Variants in ABL1 observed in about 807,000 individuals in gnomAD.
The protein encoded by ABL1 is tyrosine-protein kinase ABL1.
A neutral mutation model predicts 94.7 loss-of-function variants in ABL1; 11 were observed. The ratio of observed to expected loss-of-function variants is 0.12; its 90% CI spans 0.07 to 0.19. The LOEUF is 0.19. Among genes scored for constraint, ABL1 ranks in the 10% least tolerant of loss-of-function variants. The pLI, the probability that ABL1 is intolerant of heterozygous loss-of-function variation, is 1.00. For missense variants in ABL1, 1,082 were observed against 1,489.4 expected, an observed-to-expected ratio of 0.73 and a Z score of 4.50; for synonymous variants, 656 against 622.4, an observed-to-expected ratio of 1.05 and a Z score of -0.80.
intron 8 of ABL1, among the ~76,000 whole-genome samples, chr9:130,879,288 T>G (rs1160467532): frequency 6.6e-6 from 1 of 152,236 alleles, no homozygotes; most frequent in South Asian, 2.1e-4. Flanking sequence ...GGCCATTTCT[T>G]ACACTGTTTT....
intron 1 of ABL1, among the ~76,000 whole-genome samples, chr9:130,807,277 CTCACTCTGT>C (rs1588246123): frequency 6.6e-6 from 1 of 152,172 alleles, no homozygotes; most frequent in East Asian, 1.9e-4. Flanking sequence ...GACATGCAGT[CTCACTCTGT>C]TGACCAGGCT....
exon 1 of ABL1, chr9:130,714,319 T>A (rs745750600): frequency 6.3e-7 from 1 of 1,599,008 alleles, no homozygotes; most frequent in Non-Finnish European, 8.5e-7. Context: ...ATTATTACTT[T>A]ATGGGGCAGC....
rs1391466375 is a variant in ABL1 at position 130,814,282 on chromosome 9, T to A, written c.137-39782T>A. On this transcript the variant is annotated intron_variant, in intron 1 of 10. Transcript: ENST00000372348. The surrounding 1 kb of genome is among the most constrained non-coding windows in gnomAD (Gnocchi z 4.4). ...ACCCTAGCGACAGAACGAGACTCCG[T>A]CTCAAAAAAAAAAGAAAGAAAGAAA... is the stretch of plus-strand genomic sequence containing the variant. Among the ~76,000 whole-genome samples, 1 of 136,742 alleles carries A rather than the reference T, an allele frequency of 7.3e-6. No individual in the cohort carries two copies. Among genetic ancestry groups the A allele is most frequent in the African/African-American group, 3.1e-5 (1 of 32,128 alleles). The allele number at this position is 136,742 out of a possible 152,430, so 89.7% of individuals were successfully genotyped here.
chr9:130,815,787 C>A (rs1183944212), intron 1 of ABL1, among the ~76,000 whole-genome samples: 2 of 152,078 alleles, frequency 1.3e-5, no homozygotes, highest in Non-Finnish European at 2.9e-5. Context: ...TTTGGGAGGC[C>A]AAGGTGGGCA....
intron 1 of ABL1, among the ~76,000 whole-genome samples, chr9:130,806,499 A>C (rs1448007662): frequency 6.6e-6 from 1 of 152,184 alleles, no homozygotes; most frequent in African/African-American, 2.4e-5. Context: ...GACTTTAAAA[A>C]AAATTGCATT....
chr9:130,791,870 C>T (rs1444830679), intron 1 of ABL1, among the ~76,000 whole-genome samples: 1 of 152,184 alleles, frequency 6.6e-6, no homozygotes, highest in Non-Finnish European at 1.5e-5. Flanking sequence ...CCAGTTCTCC[C>T]AAATAAACTC....
At chr9:130,847,764 C>CG (rs1564309791) in intron 1 of ABL1, among the ~76,000 whole-genome samples, 2 of 152,184 alleles carry the variant, frequency 1.3e-5, no homozygotes, top group African/African-American at 4.8e-5. Flanking sequence ...GATCGCCTGA[C>CG]GTCCTGTTGA....
intron 1 of ABL1, among the ~76,000 whole-genome samples, chr9:130,852,497 C>T (rs1367827238): frequency 6.6e-6 from 1 of 152,212 alleles, no homozygotes; most frequent in Non-Finnish European, 1.5e-5. Flanking sequence ...GCATGAGCTA[C>T]TGTGCCTGGC....
chr9:130,846,950 A>G (rs930748427), intron 1 of ABL1, among the ~76,000 whole-genome samples: 1 of 152,250 alleles, frequency 6.6e-6, no homozygotes, highest in African/African-American at 2.4e-5. Flanking sequence ...AAACAAGTTA[A>G]TCATGCACAG....
chr9:130,734,506 C>T lies in ABL1; in HGVS notation c.136+20051C>T, dbSNP rs147589696. 5.8e-3 allele frequency among the ~76,000 whole-genome samples: 851 copies of T among 145,756 alleles called. 3 individuals carry two copies. Among genetic ancestry groups the T allele is most frequent in the South Asian group, 8.5e-3 (39 of 4,568 alleles). ...CTGGGATTACAGGTGTGAGCCACTG[C>T]GCCTGGCCTGAATCTTCTTTTTTTT... On this transcript the variant is annotated intron_variant, in intron 1 of 10. Transcript: ENST00000372348.
At chr9:130,834,984 T>C (rs1830540888), upstream of ABL1, 1 of 451,112 alleles carries the variant, frequency 2.2e-6, no homozygotes, top group African/African-American at 2.0e-5. Context: ...GCTTCTAAAG[T>C]GGAGTGGAGC....
At chr9:130,714,167 T>C (rs545483793) in exon 1 of ABL1, 10 of 679,384 alleles carry the variant, frequency 1.5e-5, no homozygotes, top group African/African-American at 1.1e-4. Context: ...CCTTTTGTTA[T>C]GGAAGATGTC....
At chr9:130,728,029 A>G (rs150857123) in intron 1 of ABL1, among the ~76,000 whole-genome samples, 79 of 152,050 alleles carry the variant, frequency 5.2e-4, no homozygotes, top group African/African-American at 1.3e-3. Flanking sequence ...TAGAATGAAA[A>G]TATAACTATA....
At chr9:130,854,744 A>G in intron 2 of ABL1, 57 bp from the exon 3 acceptor site, 1 of 1,534,332 alleles carries the variant, frequency 6.5e-7, no homozygotes, top group South Asian at 1.3e-5. Context: ...AATCAATGAA[A>G]AAGAACGAAG....
At position 130,721,336 on chromosome 9, in the gene ABL1, C is replaced by A. The variant is rs149494139; in HGVS notation, c.136+6881C>A. 2.3e-3 allele frequency among the ~76,000 whole-genome samples: 346 copies of A among 152,224 alleles called. 3 individuals are homozygous for A. Among genetic ancestry groups the A allele is most frequent in the African/African-American group, 8.1e-3 (337 of 41,532 alleles). On this transcript the variant is annotated intron_variant, in intron 1 of 10. Transcript: ENST00000372348. Reference sequence around the variant, plus strand: ...GAGGTTGCAGTGAGCCAAGATCATGCCACCGCACTCCAGCCTGGGTGACAG... The same window carrying A: ...GAGGTTGCAGTGAGCCAAGATCATGACACCGCACTCCAGCCTGGGTGACAG...
chr9:130,717,440 G>A (rs966683884), intron 1 of ABL1, among the ~76,000 whole-genome samples: 7 of 152,122 alleles, frequency 4.6e-5, no homozygotes, highest in East Asian at 1.9e-4. Context: ...GCTGTGGCTC[G>A]TGCTTGTAAT....
chr9:130,873,366 A>G (rs1831285929), intron 6 of ABL1, among the ~76,000 whole-genome samples: 2 of 152,258 alleles, frequency 1.3e-5, no homozygotes, highest in African/African-American at 4.8e-5. Context: ...TAATAATCAC[A>G]GTCCCCTCTG....
chr9:130,881,272 C>T (rs1317345489), intron 10 of ABL1, among the ~76,000 whole-genome samples: 1 of 152,150 alleles, frequency 6.6e-6, no homozygotes, highest in Non-Finnish European at 1.5e-5. Flanking sequence ...TCATGGTTGA[C>T]CCCCAGAACC....
chr9:130,735,951 ATATATATATATT>A (rs1398549495), intron 1 of ABL1, among the ~76,000 whole-genome samples: 6 of 82,744 alleles, frequency 7.3e-5, no homozygotes, highest in South Asian at 7.7e-4. Flanking sequence ...ATATATATAT[ATATATATATATT>A]TTTTTTTTTT....
Sources: allele counts gnomAD v4.1 joint callset (sites outside exome capture counted in the v4.1 genomes callset), GRCh38; gene constraint gnomAD v4.1.1; non-coding constraint Gnocchi (gnomAD v3.1); transcripts MANE v1.5; gene names NCBI Gene and HGNC (gene_info 2026-07-23, HGNC 2026-07-21).